The following AOPEP variants were observed in gnomAD, a reference collection of about 807,000 sequenced individuals.
The protein encoded by AOPEP is aminopeptidase O (putative).
AOPEP carries 77 observed loss-of-function variants against 98.1 expected under a neutral mutation model. The observed-to-expected ratio is 0.78, with a 90% confidence interval of 0.65 to 0.95. AOPEP has a LOEUF of 0.95. Among genes scored for constraint, AOPEP ranks in the 40% least tolerant of loss-of-function variants. AOPEP has a pLI of 0.00. For missense variants in AOPEP, 1,024 were observed against 1,024.7 expected (o/e 1.00, Z 0.01); for synonymous variants, 346 against 365.3 (o/e 0.95, Z 0.60).
rs867298509 is a variant in AOPEP at position 94,773,016 on chromosome 9, CT to C, written c.813del (p.Val272TrpfsTer5). ...SDQSGRPCVY[T>X]VGSPINNRAL... The stretch of plus-strand genomic sequence containing the variant: ...CTCTTCTGCAGGCCATGTGTTTATA[CT>C]GTGGGATCTCCCATAAACAACAGGG... On this transcript the variant is annotated frameshift_variant, in exon 3 of 17. Transcript: ENST00000375315. LOFTEE classifies it high-confidence loss of function. 4.3e-6 allele frequency: 7 copies of C among 1,612,306 alleles called. No homozygotes were observed. The African/African-American group carries it at 9.4e-5, about 22-fold the overall frequency.
At chr9:95,011,976 A>T (rs539480175) in intron 13 of AOPEP, among the ~76,000 whole-genome samples, 1 of 152,338 alleles carries the variant, frequency 6.6e-6, no homozygotes, top group Non-Finnish European at 1.5e-5. Context: ...CTTTGAATGG[A>T]ACTATTCATA....
At chr9:94,942,663 A>G (rs1331615021) in intron 7 of AOPEP, among the ~76,000 whole-genome samples, 1 of 152,212 alleles carries the variant, frequency 6.6e-6, no homozygotes, top group Non-Finnish European at 1.5e-5. Flanking sequence ...TCTTATGTGG[A>G]GTAAATCCTA....
At chr9:94,844,948 A>G (rs116348331) in intron 5 of AOPEP, among the ~76,000 whole-genome samples, 285 of 152,304 alleles carry the variant, frequency 1.9e-3, no homozygotes, top group African/African-American at 6.3e-3. Flanking sequence ...AAAAAAGATG[A>G]AGTCCAAGAA....
rs564289032 is a variant in AOPEP at position 94,889,524 on chromosome 9, A to G, written c.1365-34462A>G. ...GTTTTTGGAGATGGAGTCTTGCTCT[A>G]TCACCCAGGCTGGAGTGCAGTGGTA... On this transcript the variant is annotated intron_variant, in intron 5 of 16. Transcript: ENST00000375315. Among the ~76,000 whole-genome samples the G allele has an allele frequency of 2.0e-5, 3 of 152,120 alleles. No individual in the cohort carries two copies. In the East Asian group the frequency reaches 5.8e-4, roughly 30 times the overall value.
intron 5 of AOPEP, among the ~76,000 whole-genome samples, chr9:94,880,996 C>T (rs2047518407): frequency 6.6e-6 from 1 of 152,118 alleles, no homozygotes; most frequent in Admixed American, 6.6e-5. Context: ...ATCTTTACCA[C>T]AGTCAGTCAG....
At chr9:94,978,189 T>C (rs542710512) in intron 10 of AOPEP, among the ~76,000 whole-genome samples, 6 of 152,288 alleles carry the variant, frequency 3.9e-5, no homozygotes, top group Admixed American at 2.0e-4. Context: ...ACTGTATCTT[T>C]TCATAACTTC....
intron 13 of AOPEP, among the ~76,000 whole-genome samples, chr9:95,043,783 G>A (rs886922580): frequency 1.3e-5 from 2 of 152,136 alleles, no homozygotes; most frequent in Non-Finnish European, 2.9e-5. Flanking sequence ...TCCCACCTCA[G>A]CCTCCCAAGT....
chr9:94,932,485 CTTT>C (rs34147194), intron 7 of AOPEP: 17 of 144,626 alleles, frequency 1.2e-4, no homozygotes, highest in Non-Finnish European at 2.3e-4. Context: ...TTCTTTCTTT[CTTT>C]TTTTTTTTTT....
intron 4 of AOPEP, among the ~76,000 whole-genome samples, chr9:94,797,215 C>T (rs555389891): frequency 2.6e-5 from 4 of 152,286 alleles, no homozygotes; most frequent in East Asian, 1.9e-4. Context: ...GGGCGGATCA[C>T]GAGGTCGGGA....
chr9:94,954,333 A>G (rs1426178396), intron 7 of AOPEP, among the ~76,000 whole-genome samples: 2 of 152,148 alleles, frequency 1.3e-5, no homozygotes, highest in East Asian at 3.8e-4. Flanking sequence ...TCGAAGGAAA[A>G]AAAAGACTTT....
At chr9:94,957,800 T>C (rs56051879) in intron 9 of AOPEP, among the ~76,000 whole-genome samples, 1 of 152,194 alleles carries the variant, frequency 6.6e-6, no homozygotes, top group Non-Finnish European at 1.5e-5. Flanking sequence ...AAGAATCATA[T>C]GCTTTGAGAA....
chr9:94,934,884 G>A (rs1326638171), intron 7 of AOPEP: 1 of 152,348 alleles, frequency 6.6e-6, no homozygotes, highest in Non-Finnish European at 1.5e-5. Flanking sequence ...TCGGCTGCGT[G>A]TCCTCCCAGA....
At chr9:95,057,406 C>T (rs1587835715) in intron 13 of AOPEP, among the ~76,000 whole-genome samples, 1 of 152,258 alleles carries the variant, frequency 6.6e-6, no homozygotes, top group African/African-American at 2.4e-5. Flanking sequence ...GCCCCGGGCT[C>T]CTCGTACCAC....
intron 13 of AOPEP, among the ~76,000 whole-genome samples, chr9:95,060,375 T>C (rs1301219909): frequency 6.6e-6 from 1 of 152,232 alleles, no homozygotes; most frequent in Admixed American, 6.5e-5. Context: ...GTATGCGTGC[T>C]GTAAAGGAAG....
chr9:94,870,270 G>A (rs765371507), intron 5 of AOPEP, among the ~76,000 whole-genome samples: 13 of 152,194 alleles, frequency 8.5e-5, no homozygotes, highest in African/African-American at 2.7e-4. Flanking sequence ...GATTAGAGGC[G>A]TGAGCCACCG....
intron 1 of AOPEP, among the ~76,000 whole-genome samples, chr9:94,741,461 C>T (rs938693849): frequency 2.2e-4 from 34 of 151,882 alleles, no homozygotes; most frequent in Non-Finnish European, 3.8e-4. Flanking sequence ...TTAGTAGAGA[C>T]TGGGTTTCAC....
At chr9:94,744,951 A>AT (rs1834125587) in intron 1 of AOPEP, among the ~76,000 whole-genome samples, 1 of 151,918 alleles carries the variant, frequency 6.6e-6, no homozygotes, top group Admixed American at 6.6e-5. Context: ...CTGGATACAT[A>AT]TTAGGTATAT....
At chr9:95,026,391 C>T (rs2063837598) in intron 13 of AOPEP, among the ~76,000 whole-genome samples, 1 of 152,210 alleles carries the variant, frequency 6.6e-6, no homozygotes. Flanking sequence ...TGTAAATCTA[C>T]TTCTTGTTTC....
intron 13 of AOPEP, among the ~76,000 whole-genome samples, chr9:95,008,598 C>G (rs925666228): frequency 2.6e-5 from 4 of 152,158 alleles, no homozygotes; most frequent in African/African-American, 4.8e-5. Flanking sequence ...TCACCCTGTG[C>G]TCAGCTGTGG....
Sources: gnomAD v4.1 joint callset for allele counts (sites outside exome capture counted in the v4.1 genomes callset) on GRCh38, gnomAD v4.1.1 for gene constraint, MANE v1.5 for transcripts, NCBI Gene and HGNC (gene_info 2026-07-23, HGNC 2026-07-21) for gene names.